Variants in MTHFD1 observed in about 807,000 individuals in gnomAD.
The protein encoded by MTHFD1 is methylenetetrahydrofolate dehydrogenase, cyclohydrolase and formyltetrahydrofolate synthetase 1.
A neutral mutation model predicts 110.3 loss-of-function variants in MTHFD1; 44 were observed. The ratio of observed to expected loss-of-function variants is 0.40; its 90% CI spans 0.31 to 0.51. The LOEUF is 0.51. Ranked by LOEUF, MTHFD1 falls within the 20% of genes least tolerant of loss-of-function variation. The probability of loss-of-function intolerance (pLI) is 0.60; values close to 1 mark genes in which losing one functional copy is unlikely to be tolerated. For synonymous variants in MTHFD1, 402 were observed against 428.8 expected, an observed-to-expected ratio of 0.94 and a Z score of 0.77; for missense variants, 909 against 1,173.1, an observed-to-expected ratio of 0.77 and a Z score of 3.29.
At chr14:64,388,918 C>T (rs1201513582) in intron 1 of MTHFD1, 2 of 235,486 alleles carry the variant, frequency 8.5e-6, no homozygotes, top group Non-Finnish European at 1.7e-5. Flanking sequence ...TAGCTTTTCC[C>T]ACTATACCAT....
Position 64,388,486 on chromosome 14 carries a change from T to C in MTHFD1, c.41+18T>C. The C allele has an allele frequency of 6.2e-7, 1 of 1,611,078 alleles. No homozygotes were observed. The highest frequency in any genetic ancestry group is 2.2e-5 in the East Asian group (1 of 44,878). On this transcript the variant is annotated intron_variant, in intron 1 of 27. Coordinates refer to ENST00000652337, the MANE Select transcript of MTHFD1 (RefSeq NM_005956.4). The stretch of plus-strand genomic sequence containing the variant: ...ATCTCCGCGTAAGCACCTGACATTG[T>C]TGTTGAGTGTGGGGCTGTGGACGAG...
chr14:64,424,720 A>T, intron 8 of MTHFD1, 84 bp from the exon 9 acceptor site: 1 of 1,501,356 alleles, frequency 6.7e-7, no homozygotes, highest in Non-Finnish European at 9.2e-7. Context: ...AACACACCCT[A>T]CAATTCTGCT....
At position 64,423,052 on chromosome 14, in the gene MTHFD1, T is replaced by A. The variant is rs550094747; in HGVS notation, c.728-1752T>A. On this transcript the variant is annotated intron_variant, in intron 8 of 27. Transcript: ENST00000652337. The stretch of plus-strand genomic sequence containing the variant: ...AGCGGGTATTTCAAGCTAACTACAG[T>A]GTGAAGACGATTGAAACTTGTACAG... The A allele has an allele frequency of 7.2e-5, 11 of 152,264 alleles. No individual in the cohort carries two copies. In the East Asian group the frequency reaches 2.1e-3, roughly 29 times the overall value. 9.4% of individuals were successfully genotyped at this position (152,264 alleles called of 1,614,324 possible). A position where few individuals can be genotyped will look rare whatever the true frequency, so the allele number is the denominator to read the frequency against.
At chr14:64,432,127 A>G (rs1320834413) in intron 15 of MTHFD1, among the ~76,000 whole-genome samples, 1 of 152,212 alleles carries the variant, frequency 6.6e-6, no homozygotes, top group Non-Finnish European at 1.5e-5. Context: ...CCTTTATAAC[A>G]TGAACAAGAG....
Position 64,442,143 on chromosome 14 carries a change from T to C in MTHFD1, c.1974T>C (p.Leu658=). The part of the protein sequence containing the change: ...SIIADRIALK[L]VGPEGFVVTE... ...TTGCAGACCGGATCGCACTCAAGCT[T>C]GTTGGCCCAGAAGGGTTTGTAGGTT... Residue 658 remains leucine (L), a synonymous_variant, in exon 20 of 28, where the codon CTT becomes CTC. Coordinates refer to ENST00000652337, the MANE Select transcript of MTHFD1 (RefSeq NM_005956.4). 5.0e-6 allele frequency: 8 copies of C among 1,614,178 alleles called. No individual in the cohort carries two copies. Among genetic ancestry groups the C allele is most frequent in the Non-Finnish European group, 6.8e-6 (8 of 1,180,006 alleles).
At chr14:64,403,397 C>A (rs2077914047) in intron 2 of MTHFD1, among the ~76,000 whole-genome samples, 1 of 152,066 alleles carries the variant, frequency 6.6e-6, no homozygotes, top group Non-Finnish European at 1.5e-5. Context: ...GCCTCAGCCT[C>A]TGGAGTAGCT....
chr14:64,396,212 A>G (rs772359869), intron 1 of MTHFD1, among the ~76,000 whole-genome samples: 13 of 152,260 alleles, frequency 8.5e-5, no homozygotes, highest in South Asian at 2.1e-4. Context: ...AGCTTTTGCT[A>G]TATTAGTGAT....
At chr14:64,391,755 CG>C (rs1476307701) in intron 1 of MTHFD1, among the ~76,000 whole-genome samples, 1 of 152,154 alleles carries the variant, frequency 6.6e-6, no homozygotes, top group Non-Finnish European at 1.5e-5. Context: ...ATTTGACAAC[CG>C]GGGGAAGGTC....
intron 1 of MTHFD1, among the ~76,000 whole-genome samples, chr14:64,392,047 T>C (rs1394524572): frequency 6.6e-6 from 1 of 152,188 alleles, no homozygotes; most frequent in African/African-American, 2.4e-5. Context: ...CAATTTTAAA[T>C]ATGGGAGTCA....
At chr14:64,437,489 A>G (rs1225479328) in intron 16 of MTHFD1, among the ~76,000 whole-genome samples, 1 of 152,156 alleles carries the variant, frequency 6.6e-6, no homozygotes, top group African/African-American at 2.4e-5. Context: ...CTCTTCCACA[A>G]CAATTCAGCT....
intron 1 of MTHFD1, among the ~76,000 whole-genome samples, chr14:64,394,538 G>A (rs544382983): frequency 1.3e-5 from 2 of 152,032 alleles, no homozygotes; most frequent in South Asian, 4.2e-4. Context: ...TACTTTGCTG[G>A]CTAAGCTTTT....
intron 16 of MTHFD1, among the ~76,000 whole-genome samples, chr14:64,437,507 C>G (rs537762028): frequency 6.6e-6 from 1 of 152,340 alleles, no homozygotes; most frequent in Non-Finnish European, 1.5e-5. Context: ...GCTTTCACTT[C>G]TCCAGTGGAT....
chr14:64,401,202 T>G (rs899419566), intron 2 of MTHFD1, among the ~76,000 whole-genome samples: 2 of 152,136 alleles, frequency 1.3e-5, no homozygotes, highest in Admixed American at 6.6e-5. Context: ...CTTACTCTGT[T>G]GCCAGGCTGG....
intron 1 of MTHFD1, 35 bp downstream of exon 1, chr14:64,388,503 G>A (rs1343468694): frequency 1.3e-6 from 2 of 1,596,248 alleles, no homozygotes; most frequent in African/African-American, 1.3e-5. Context: ...GTGTGGGGCT[G>A]TGGACGAGGG....
chr14:64,395,842 G>A (rs1364961115), intron 1 of MTHFD1, among the ~76,000 whole-genome samples: 1 of 152,288 alleles, frequency 6.6e-6, no homozygotes, highest in East Asian at 1.9e-4. Context: ...TGATCAAGAA[G>A]CTTAATGTGA....
intron 22 of MTHFD1, among the ~76,000 whole-genome samples, chr14:64,445,530 T>G (rs752265527): frequency 9.2e-5 from 14 of 152,228 alleles, no homozygotes; most frequent in Non-Finnish European, 1.9e-4. Flanking sequence ...TCACTGCTAA[T>G]TCAATTTTTC....
rs563659870 is a variant in MTHFD1, at chr14:64,432,952, G to C, written c.1494+1091G>C. Among the ~76,000 whole-genome samples, 4 of 152,216 alleles carry C rather than the reference G, an allele frequency of 2.6e-5. No homozygotes were observed. The South Asian group carries it at 6.2e-4, about 24-fold the overall frequency. On this transcript the variant is annotated intron_variant, in intron 15 of 27. Transcript: ENST00000652337. ...TTTATTTTATTTTTTTGTAGAGACC[G>C]TGTCTCACCATATTGTCCAGGCTGG...
At chr14:64,400,093 A>T (rs933271442) in intron 1 of MTHFD1, among the ~76,000 whole-genome samples, 10 of 152,226 alleles carry the variant, frequency 6.6e-5, no homozygotes, top group Admixed American at 3.3e-4. Flanking sequence ...TTTTTGATTT[A>T]AAAGAGAAAT....
intron 8 of MTHFD1, among the ~76,000 whole-genome samples, chr14:64,420,720 G>A (rs558362225): frequency 2.6e-5 from 4 of 152,198 alleles, no homozygotes; most frequent in East Asian, 1.9e-4. Context: ...GGAACTCTGA[G>A]CCTCTTCCTT....
Sources: gnomAD v4.1 joint callset for allele counts (sites outside exome capture counted in the v4.1 genomes callset) on GRCh38, gnomAD v4.1.1 for gene constraint, MANE v1.5 for transcripts, NCBI Gene and HGNC (gene_info 2026-07-23, HGNC 2026-07-21) for gene names.